GPHN: variants seen among roughly 807,000 people sequenced by gnomAD.
The protein encoded by GPHN is gephyrin.
Under a neutral mutation model 95.5 loss-of-function variants are expected in GPHN, and 17 were observed. The ratio of observed to expected loss-of-function variants is 0.18; its 90% CI spans 0.12 to 0.27. GPHN has a LOEUF of 0.27. GPHN is among the 10% of genes least tolerant of loss of function. GPHN has a pLI of 1.00. For missense variants in GPHN, 660 were observed against 978.1 expected (o/e 0.67, Z 4.34); for synonymous variants, 320 against 322.5 (o/e 0.99, Z 0.08).
the GPHN span, among the ~76,000 whole-genome samples, chr14:67,534,813 T>C: frequency 6.6e-6 from 1 of 152,324 alleles, no homozygotes; most frequent in South Asian, 2.1e-4. Context: ...CAAAGAAATG[T>C]CTGGCAATTT....
the GPHN span, among the ~76,000 whole-genome samples, chr14:67,207,915 G>C: frequency 1.3e-5 from 2 of 152,212 alleles, no homozygotes; most frequent in African/African-American, 4.8e-5. Flanking sequence ...TCACAGAGAA[G>C]TACTGTAATT....
the GPHN span, among the ~76,000 whole-genome samples, chr14:67,254,004 C>CT: frequency 8.1e-6 from 1 of 123,448 alleles, no homozygotes; most frequent in African/African-American, 3.6e-5. Context: ...TCTTTCATGT[C>CT]TTTTTTGGGC....
the GPHN span, among the ~76,000 whole-genome samples, chr14:67,315,466 TG>T: frequency 1.3e-5 from 2 of 151,942 alleles, no homozygotes; most frequent in Non-Finnish European, 2.9e-5. Context: ...TTAGTAGAGA[TG>T]GGGTTTCACC....
intron 1 of GPHN, among the ~76,000 whole-genome samples, chr14:66,615,210 C>A (rs978606041): frequency 7.9e-5 from 12 of 152,106 alleles, no homozygotes; most frequent in Admixed American, 7.2e-4. Flanking sequence ...GATTTATAAT[C>A]CTTTGGGTAT....
chr14:67,574,258 A>C, the GPHN span: 1 of 1,605,808 alleles, frequency 6.2e-7, no homozygotes. This position sits in a 1 kb window ranked among gnomAD's most constrained non-coding sequence, Gnocchi z 4.2. Flanking sequence ...TCTGAGAAGA[A>C]AACCTACTAC....
At chr14:67,724,096 T>A in the GPHN span, among the ~76,000 whole-genome samples, 1 of 150,506 alleles carries the variant, frequency 6.6e-6, no homozygotes, top group Non-Finnish European at 1.5e-5. Context: ...CCGCTAATGT[T>A]TATCATGCAT....
chr14:67,563,463 C>G, the GPHN span, among the ~76,000 whole-genome samples: 21 of 151,984 alleles, frequency 1.4e-4, no homozygotes, highest in African/African-American at 3.9e-4. Context: ...GGCAGAGTTT[C>G]ACTCTTACTG....
intron 17 of GPHN, among the ~76,000 whole-genome samples, chr14:67,133,535 A>G (rs989556312): frequency 6.6e-6 from 1 of 152,202 alleles, no homozygotes; most frequent in East Asian, 1.9e-4. Context: ...TCAGGATTAT[A>G]GTAATTTGAG....
chr14:66,700,058 T>G (rs895355295), intron 2 of GPHN, among the ~76,000 whole-genome samples: 1 of 152,190 alleles, frequency 6.6e-6, no homozygotes, highest in Non-Finnish European at 1.5e-5. Context: ...CAATTAAAAT[T>G]GTGTGTCTTA....
intron 1 of GPHN, among the ~76,000 whole-genome samples, chr14:66,533,808 C>T (rs533835587): frequency 4.0e-4 from 61 of 152,290 alleles, no homozygotes; most frequent in African/African-American, 1.2e-3. Flanking sequence ...GTTACAGTTA[C>T]GCCTTAGGTG....
intron 8 of GPHN, among the ~76,000 whole-genome samples, chr14:66,935,360 G>C (rs57707639): frequency 5.3e-5 from 8 of 151,722 alleles, no homozygotes; most frequent in African/African-American, 1.9e-4. Flanking sequence ...GCCCTGGGAA[G>C]AAAAAGAGTT....
At chr14:66,685,089 T>C (rs2067255218) in intron 2 of GPHN, among the ~76,000 whole-genome samples, 1 of 152,256 alleles carries the variant, frequency 6.6e-6, no homozygotes. Flanking sequence ...TCATCCTTTT[T>C]TATGGCTGCA....
At chr14:67,091,835 G>GT (rs368856019) in intron 12 of GPHN, among the ~76,000 whole-genome samples, 7,849 of 144,250 alleles carry the variant, frequency 0.054, 216 homozygotes, top group Middle Eastern at 0.068. Context: ...TGTTTGAGAG[G>GT]TTTTTTTTTT....
the GPHN span, among the ~76,000 whole-genome samples, chr14:67,225,960 TGTGCGC>T: frequency 8.3e-6 from 1 of 119,804 alleles, no homozygotes; most frequent in East Asian, 2.2e-4. Context: ...TGTGTGTGTG[TGTGCGC>T]GCGCGCGCGT....
At chr14:67,586,873 C>A in the GPHN span, 2 of 1,519,552 alleles carry the variant, frequency 1.3e-6, no homozygotes, top group Non-Finnish European at 1.8e-6. Context: ...CTGAGAGGAT[C>A]TCCAGACCAA....
At chr14:66,848,824 A>T (rs1031492141) in intron 4 of GPHN, among the ~76,000 whole-genome samples, 1 of 151,940 alleles carries the variant, frequency 6.6e-6, no homozygotes, top group Non-Finnish European at 1.5e-5. Flanking sequence ...AAATGAAGTT[A>T]ATAAAAACAC....
chr14:66,583,821 A>G (rs1482692907), intron 1 of GPHN, among the ~76,000 whole-genome samples: 1 of 152,122 alleles, frequency 6.6e-6, no homozygotes, highest in African/African-American at 2.4e-5. Flanking sequence ...AGGTAGCGTG[A>G]TGCCTCCAGC....
At chr14:66,767,082 T>G (rs939297773) in intron 2 of GPHN, among the ~76,000 whole-genome samples, 3 of 152,006 alleles carry the variant, frequency 2.0e-5, no homozygotes, top group Non-Finnish European at 1.5e-5. Context: ...TCAAACTATG[T>G]GTTGAAAAAG....
At chr14:66,817,587 G>T (rs373687652) in intron 3 of GPHN, among the ~76,000 whole-genome samples, 1 of 152,142 alleles carries the variant, frequency 6.6e-6, no homozygotes, top group South Asian at 2.1e-4. Context: ...GGCTTTCTGA[G>T]TGGGAATATT....
Sources: gnomAD v4.1 joint callset for allele counts (sites outside exome capture counted in the v4.1 genomes callset) on GRCh38, gnomAD v4.1.1 for gene constraint, Gnocchi (gnomAD v3.1) non-coding constraint, MANE v1.5 for transcripts, NCBI Gene and HGNC (gene_info 2026-07-23, HGNC 2026-07-21) for gene names.